PLCB1: variants seen among roughly 807,000 people sequenced by gnomAD.
PLCB1 encodes the protein phospholipase C beta 1.
Under a neutral mutation model 161.8 loss-of-function variants are expected in PLCB1, and 46 were observed. The observed-to-expected ratio is 0.28, with a 90% CI of 0.22 to 0.36. The LOEUF (loss-of-function observed/expected upper bound fraction) is 0.36. Among genes scored for constraint, PLCB1 ranks in the 10% least tolerant of loss-of-function variants. PLCB1 has a pLI of 1.00. For missense variants in PLCB1, 1,016 were observed against 1,472.5 expected (o/e 0.69, Z 5.07); for synonymous variants, 517 against 503.7 (o/e 1.03, Z -0.35).
At position 8,645,171 on chromosome 20, in the gene PLCB1, T is replaced by C. The variant is rs111286817; in HGVS notation, c.385-931T>C. 9.2e-5 allele frequency among the ~76,000 whole-genome samples: 13 copies of C among 141,120 alleles called. 1 individual carries two copies. The highest frequency in any genetic ancestry group is 4.1e-4 in the East Asian group (2 of 4,912). 92.6% of individuals were successfully genotyped at this position (141,120 alleles called of 152,430 possible). On this transcript the variant is annotated intron_variant, in intron 4 of 31. Coordinates refer to ENST00000338037, the MANE Select transcript of PLCB1 (RefSeq NM_015192.4). ...CCCTAATCTCAAGTACCCAGGGACA[T>C]AAACACTGCAGGGTCCTCTGCCTAG...
At chr20:8,210,079 G>A (rs538452238) in intron 2 of PLCB1, among the ~76,000 whole-genome samples, 2 of 151,888 alleles carry the variant, frequency 1.3e-5, no homozygotes, top group Non-Finnish European at 2.9e-5. Context: ...CTGAGCCACC[G>A]AGCCCAACTT....
At chr20:8,260,245 A>ATT (rs55691846) in intron 2 of PLCB1, among the ~76,000 whole-genome samples, 5 of 133,544 alleles carry the variant, frequency 3.7e-5, no homozygotes, top group Non-Finnish European at 3.3e-5. Context: ...AGCACCCAGC[A>ATT]TTTTTTTTTT....
At chr20:8,563,388 C>A (rs1173208922) in intron 3 of PLCB1, among the ~76,000 whole-genome samples, 3 of 151,942 alleles carry the variant, frequency 2.0e-5, no homozygotes, top group Non-Finnish European at 4.4e-5. Flanking sequence ...TTCAAGACCC[C>A]ATCATCTCTC....
At chr20:8,768,475 T>C (rs547065372) in intron 26 of PLCB1, among the ~76,000 whole-genome samples, 1 of 152,284 alleles carries the variant, frequency 6.6e-6, no homozygotes, top group African/African-American at 2.4e-5. Context: ...CAACAACCTC[T>C]TTCCAAATTA....
At chr20:8,722,475 T>TG in intron 15 of PLCB1, 54 bp downstream of exon 15, 2 of 1,257,572 alleles carry the variant, frequency 1.6e-6, no homozygotes, top group South Asian at 3.2e-5. Flanking sequence ...TGTACTCTCC[T>TG]GGGTCTGTCT....
intron 2 of PLCB1, among the ~76,000 whole-genome samples, chr20:8,306,606 T>A (rs546116985): frequency 6.6e-6 from 1 of 152,360 alleles, no homozygotes; most frequent in South Asian, 2.1e-4. Context: ...ATGTCTGTAA[T>A]GCGAATAGCC....
At chr20:8,306,997 T>C (rs764029776) in intron 2 of PLCB1, among the ~76,000 whole-genome samples, 3 of 152,250 alleles carry the variant, frequency 2.0e-5, no homozygotes, top group Non-Finnish European at 4.4e-5. Flanking sequence ...TTTAAATCAT[T>C]CAAATGACTT....
At chr20:8,761,422 C>T (rs1268813368) in intron 25 of PLCB1, among the ~76,000 whole-genome samples, 1 of 152,164 alleles carries the variant, frequency 6.6e-6, no homozygotes, top group African/African-American at 2.4e-5. Context: ...ATGATTTATG[C>T]ACTTTGATGC....
chr20:8,338,733 C>A (rs146368993), intron 2 of PLCB1, among the ~76,000 whole-genome samples: 1 of 152,128 alleles, frequency 6.6e-6, no homozygotes, highest in Non-Finnish European at 1.5e-5. Context: ...GTAAACACAG[C>A]GTAGATTAAG....
intron 3 of PLCB1, among the ~76,000 whole-genome samples, chr20:8,592,134 C>G (rs946555231): frequency 1.3e-5 from 2 of 152,168 alleles, no homozygotes; most frequent in Non-Finnish European, 2.9e-5. Context: ...AAATGTGTCA[C>G]TACACTATCT....
At chr20:8,836,285 T>A (rs192082861) in intron 31 of PLCB1, among the ~76,000 whole-genome samples, 33 of 152,334 alleles carry the variant, frequency 2.2e-4, no homozygotes, top group Admixed American at 1.4e-3. Context: ...GAAAAATAAC[T>A]GTGGCCATTT....
At chr20:8,485,890 G>A (rs1272587551) in intron 3 of PLCB1, among the ~76,000 whole-genome samples, 2 of 152,112 alleles carry the variant, frequency 1.3e-5, no homozygotes, top group African/African-American at 2.4e-5. Flanking sequence ...CTGTTCTCAC[G>A]CTGCTATAAA....
intron 23 of PLCB1, among the ~76,000 whole-genome samples, chr20:8,749,956 T>TG (rs11087823): frequency 6.6e-6 from 1 of 150,706 alleles, no homozygotes; most frequent in South Asian, 2.1e-4. Context: ...TCATTCAATA[T>TG]TTTTTTTTTA....
chr20:8,567,843 T>G (rs1482952140), intron 3 of PLCB1, among the ~76,000 whole-genome samples: 2 of 152,170 alleles, frequency 1.3e-5, no homozygotes, highest in Admixed American at 1.3e-4. Flanking sequence ...TTGTTAAAAA[T>G]TTTTAAAGAC....
intron 3 of PLCB1, among the ~76,000 whole-genome samples, chr20:8,374,949 G>T (rs1568651999): frequency 6.6e-6 from 1 of 152,078 alleles, no homozygotes; most frequent in Non-Finnish European, 1.5e-5. Flanking sequence ...AAAATGAACT[G>T]TTTTTTGTGC....
At chr20:8,134,914 T>G (rs1158343926) in intron 1 of PLCB1, among the ~76,000 whole-genome samples, 2 of 151,988 alleles carry the variant, frequency 1.3e-5, no homozygotes, top group Non-Finnish European at 2.9e-5. Context: ...TCAAGTTATC[T>G]GGAATATAAT....
chr20:8,156,951 C>G (rs2051569301), intron 2 of PLCB1, among the ~76,000 whole-genome samples: 1 of 152,162 alleles, frequency 6.6e-6, no homozygotes, highest in Non-Finnish European at 1.5e-5. Context: ...TTTTGAAAAC[C>G]AAGTGACCAT....
At chr20:8,323,201 G>A (rs1284642682) in intron 2 of PLCB1, among the ~76,000 whole-genome samples, 1 of 152,132 alleles carries the variant, frequency 6.6e-6, no homozygotes. Flanking sequence ...AATATAGTCA[G>A]TGATATTTTA....
intron 3 of PLCB1, among the ~76,000 whole-genome samples, chr20:8,546,166 T>C (rs1985535854): frequency 7.3e-6 from 1 of 137,300 alleles, no homozygotes; most frequent in South Asian, 2.5e-4. Context: ...AATACAAAAA[T>C]TAGCTGGGCA....
Sources: allele counts gnomAD v4.1 joint callset (sites outside exome capture counted in the v4.1 genomes callset), GRCh38; gene constraint gnomAD v4.1.1; transcripts MANE v1.5; gene names NCBI Gene and HGNC (gene_info 2026-07-23, HGNC 2026-07-21).